Variants in LBX1 observed in about 807,000 individuals in gnomAD.
LBX1 encodes transcription factor LBX1.
In LBX1, 6 loss-of-function variants were observed where a neutral mutation model predicts 19.9. The observed-to-expected ratio is 0.30, with a 90% CI of 0.17 to 0.60. The LOEUF (loss-of-function observed/expected upper bound fraction) is 0.60, where lower values mean the gene tolerates loss of function less well. Ranked by LOEUF, LBX1 falls within the 20% of genes least tolerant of loss-of-function variation. The pLI is 0.87. For missense variants in LBX1, 344 were observed against 393.7 expected (o/e 0.87, Z 1.07); for synonymous variants, 190 against 189.3 (o/e 1.00, Z -0.03).
At position 101,228,837 on chromosome 10, in the gene LBX1, G is replaced by A; in HGVS notation, c.-22C>T. 1 of 1,462,686 alleles carries A rather than the reference G, an allele frequency of 6.8e-7. No individual in the cohort carries two copies. 90.6% of individuals were successfully genotyped at this position (1,462,686 alleles called of 1,614,324 possible). ...TCATCTCGGCCTTGTTCGGGGTCCC[G>A]GCCGGGGCGGCTCGGGCCGCGGGGA... On this transcript the variant is annotated 5_prime_UTR_variant, in exon 1 of 2. Coordinates refer to ENST00000370193, the MANE Select transcript of LBX1 (RefSeq NM_006562.5).
chr10:101,228,061 G>C (rs972632418), intron 1 of LBX1, among the ~76,000 whole-genome samples: 6 of 152,074 alleles, frequency 3.9e-5, no homozygotes, highest in African/African-American at 1.4e-4. Context: ...AGTCTCTAAG[G>C]GTATGAGAAA....
Position 101,229,422 on chromosome 10 carries a change from C to A in LBX1, c.-607G>T. The A allele has an allele frequency of 4.4e-6, 1 of 225,506 alleles. No individual in the cohort carries two copies. The highest frequency in any genetic ancestry group is 4.6e-5 in the South Asian group (1 of 21,550). 14.0% of individuals were successfully genotyped at this position (225,506 alleles called of 1,614,324 possible). A position where few individuals can be genotyped will look rare whatever the true frequency, so the allele number is the denominator to read the frequency against. On this transcript the variant is annotated 5_prime_UTR_variant, in exon 1 of 2. Coordinates refer to ENST00000370193, the MANE Select transcript of LBX1 (RefSeq NM_006562.5). The surrounding 1 kb of genome is among the most constrained non-coding windows in gnomAD (Gnocchi z 6.4). ...CTCCCCCCTTCTCTCTCCTTCTCTC[C>A]CTCTCCCTCGCCCTCTCTTTCACTC...
chr10:101,227,806 A>C lies in LBX1; in HGVS notation c.326-16T>G. On this transcript the variant is annotated splice_polypyrimidine_tract_variant and intron_variant, in intron 1 of 1. Transcript: ENST00000370193. Reference sequence around the variant, plus strand: ...CCGTCGCGGCCTGGGAGGAAAGGACAGTGTAGGCTCGCGTTGGGAGAGAGG... The same window carrying C: ...CCGTCGCGGCCTGGGAGGAAAGGACCGTGTAGGCTCGCGTTGGGAGAGAGG... 1 of 1,547,986 alleles carries C rather than the reference A, an allele frequency of 6.5e-7. No individual in the cohort carries two copies. The highest frequency in any genetic ancestry group is 8.7e-7 in the Non-Finnish European group (1 of 1,144,758).
chr10:101,227,357 C>G lies in LBX1; in HGVS notation c.759G>C (p.Ser253=), dbSNP rs755401297. Residue 253 remains serine, a synonymous_variant, in exon 2 of 2, where the codon TCG becomes TCC. Transcript: ENST00000370193. ...GCTGGTCCGTGAGCGGAGAGGCAGG[C>G]GAGAGCTGCAGGGCGCCAGCGCCCG... ...KAPGAGALQL[S]PASPLTDQPA... is the part of the protein sequence containing the mutation. The G allele has an allele frequency of 1.2e-6, 2 of 1,608,188 alleles. No individual in the cohort carries two copies. Among genetic ancestry groups the G allele is most frequent in the African/African-American group, 1.3e-5 (1 of 74,450 alleles).
At position 101,227,546 on chromosome 10, in the gene LBX1, G is replaced by A. The variant is rs754479753; in HGVS notation, c.570C>T (p.Asp190=). The part of the protein sequence containing the change: ...LKRDLEEMKA[D]VESAKKLGPS... ...GGCCCAGTTTCTTGGCGGACTCTACGTCGGCCTTCATCTCCTCCAGGTCCC... is the reference window on the plus strand; with the variant it reads ...GGCCCAGTTTCTTGGCGGACTCTACATCGGCCTTCATCTCCTCCAGGTCCC... Residue 190 remains aspartate (D), a synonymous_variant, in exon 2 of 2, where the codon GAC becomes GAT. Coordinates refer to ENST00000370193, the MANE Select transcript of LBX1 (RefSeq NM_006562.5). 1.2e-6 allele frequency: 2 copies of A among 1,614,080 alleles called. No homozygotes were observed. Among genetic ancestry groups the A allele is most frequent in the Non-Finnish European group, 1.7e-6 (2 of 1,179,998 alleles).
At position 101,227,172 on chromosome 10, in the gene LBX1, G is replaced by T. The variant is rs534762409; in HGVS notation, c.*98C>A. The T allele has an allele frequency of 2.5e-6, 3 of 1,210,104 alleles. No homozygotes were observed. The highest frequency in any genetic ancestry group is 2.3e-5 in the Admixed American group (1 of 43,346). The allele number at this position is 1,210,104 out of a possible 1,614,324, so 75.0% of individuals were successfully genotyped here. A position where few individuals can be genotyped will look rare whatever the true frequency, so the allele number is the denominator to read the frequency against. On this transcript the variant is annotated 3_prime_UTR_variant, in exon 2 of 2. Coordinates refer to ENST00000370193, the MANE Select transcript of LBX1 (RefSeq NM_006562.5). ...GGGGACAGGGGAGGAGGCGGGAGTT[G>T]GCAGAGGAGGTCCCAGCTCCCCTCG...
Position 101,227,293 on chromosome 10 carries a change from C to T in LBX1, c.823G>A (p.Glu275Lys), listed in dbSNP as rs1446427670. The part of the protein sequence containing the change: ...SQDCSEDEED[E>K]EIDVDD ...GCTCAATCGTCCACGTCGATCTCTTCGTCTTCCTCGTCCTCCGAGCAGTCC... is the reference window on the plus strand; with the variant it reads ...GCTCAATCGTCCACGTCGATCTCTTTGTCTTCCTCGTCCTCCGAGCAGTCC... The change falls in exon 2 of 2, where the codon GAA becomes AAA. Residue 275 changes from glutamate (E) to lysine (K), a missense_variant. Around this residue, in one of 3 missense-constraint regions of LBX1, gnomAD observed 146 missense variants for 124.2 expected, o/e 1.18. Coordinates refer to ENST00000370193, the MANE Select transcript of LBX1 (RefSeq NM_006562.5). 54 of 1,607,068 alleles carry T rather than the reference C, an allele frequency of 3.4e-5. No individual in the cohort carries two copies. Among genetic ancestry groups the T allele is most frequent in the Non-Finnish European group, 4.4e-5 (52 of 1,178,154 alleles).
At position 101,228,510 on chromosome 10, in the gene LBX1, G is replaced by T; in HGVS notation, c.306C>A (p.Ser102Arg). The T allele has an allele frequency of 6.4e-7, 1 of 1,552,228 alleles. No individual in the cohort carries two copies. ...GCCTACCTTCGGCTGCCTGCAGAAC[G>T]CTGACCTCCAGCCCCTTAAACGTCT... ...ASKTFKGLEV[S>R]VLQAAEGRDG... The change falls in exon 1 of 2, where the codon AGC (serine) becomes AGA (arginine). Residue 102 changes from serine to arginine, a missense_variant. Ser to Arg is a moderately radical substitution (Grantham distance 110, BLOSUM62 -1). Transcript: ENST00000370193.
Position 101,228,839 on chromosome 10 carries a change from C to T in LBX1, c.-24G>A. 1 of 1,462,466 alleles carries T rather than the reference C, an allele frequency of 6.8e-7. No individual in the cohort carries two copies. The allele number at this position is 1,462,466 out of a possible 1,614,324, so 90.6% of individuals were successfully genotyped here. ...ATCTCGGCCTTGTTCGGGGTCCCGG[C>T]CGGGGCGGCTCGGGCCGCGGGGACC... On this transcript the variant is annotated 5_prime_UTR_variant, in exon 1 of 2. Transcript: ENST00000370193.
chr10:101,228,608 C>T lies in LBX1; in HGVS notation c.208G>A (p.Gly70Ser), dbSNP rs761580258. 9.0e-6 allele frequency: 14 copies of T among 1,563,768 alleles called. No homozygotes were observed. The highest frequency in any genetic ancestry group is 1.2e-5 in the Non-Finnish European group (14 of 1,154,450). Reference sequence around the variant, plus strand: ...AGCGCGCGGCCCGCCAGGGGCAAGCCGCCCTGCGCGTGCTTGTCCGCGGCG... The same window carrying T: ...AGCGCGCGGCCCGCCAGGGGCAAGCTGCCCTGCGCGTGCTTGTCCGCGGCG... ...LAAADKHAQGGLPLAGRALLS... is the reference protein window; with the variant it reads ...LAAADKHAQGSLPLAGRALLS... Residue 70 changes from glycine (G) to serine (S), a missense_variant, in exon 1 of 2, where the codon GGC (glycine) becomes AGC (serine). By Grantham distance (56) the Gly-to-Ser change is moderately conservative (BLOSUM62 0). Coordinates refer to ENST00000370193, the MANE Select transcript of LBX1 (RefSeq NM_006562.5).
At chr10:101,228,467 G>A (rs1306467228) in intron 1 of LBX1, 24 bp downstream of exon 1, 1 of 1,528,276 alleles carries the variant, frequency 6.5e-7, no homozygotes, top group East Asian at 2.5e-5. Flanking sequence ...GCTGGGTGCA[G>A]GGGAACCCAG....
rs1243699054 is a variant in LBX1 at position 101,227,769 on chromosome 10, A to G, written c.347T>C (p.Phe116Ser). ...CTTCTTAGGGGTCTGCCGCTGCCCA[A>G]AGATGGTCATACCGTCGCGGCCTGG... ...AAEGRDGMTI[F>S]GQRQTPKKRR... Residue 116 changes from phenylalanine (F) to serine (S), a missense_variant, in exon 2 of 2, where the codon TTT (phenylalanine) becomes TCT (serine). Phe to Ser is a radical substitution (Grantham distance 155, BLOSUM62 -2). Around this residue, in one of 3 missense-constraint regions of LBX1, gnomAD observed 153 missense variants for 168.9 expected, o/e 0.91. Coordinates refer to ENST00000370193, the MANE Select transcript of LBX1 (RefSeq NM_006562.5). 2 of 1,592,080 alleles carry G rather than the reference A, an allele frequency of 1.3e-6. No homozygotes were observed. Among genetic ancestry groups the G allele is most frequent in the African/African-American group, 1.3e-5 (1 of 74,608 alleles).
rs781557515 is a variant in LBX1 at position 101,227,651 on chromosome 10, G to A, written c.465C>T (p.Arg155=). The change falls in exon 2 of 2, where the codon CGC becomes CGT. Residue 155 remains arginine (R), a synonymous_variant. Transcript: ENST00000370193. The part of the protein sequence containing the change: ...LYQKYLSPAD[R]DQIAQQLGLT... Reference sequence around the variant, plus strand: ...GGCCCAGCTGCTGCGCGATTTGGTCGCGATCGGCGGGGGACAGGTACTTCT... The same window carrying A: ...GGCCCAGCTGCTGCGCGATTTGGTCACGATCGGCGGGGGACAGGTACTTCT... The A allele has an allele frequency of 6.2e-6, 10 of 1,614,176 alleles. No homozygotes were observed. Among genetic ancestry groups the A allele is most frequent in the Non-Finnish European group, 8.5e-6 (10 of 1,180,020 alleles).
At position 101,227,235 on chromosome 10, in the gene LBX1, A is replaced by G. The variant is rs764102635; in HGVS notation, c.*35T>C. 1.9e-6 allele frequency: 3 copies of G among 1,581,758 alleles called. No homozygotes were observed. Among genetic ancestry groups the G allele is most frequent in the Admixed American group, 1.8e-5 (1 of 56,722 alleles). The stretch of plus-strand genomic sequence containing the variant: ...GGGAGGCGTTGGGCTTTCGAGCGCT[A>G]GGAGCCCAGGGCGGCGGAAGACCCG... On this transcript the variant is annotated 3_prime_UTR_variant, in exon 2 of 2. Transcript: ENST00000370193.
chr10:101,229,429 C>T lies in LBX1; in HGVS notation c.-614G>A, dbSNP rs1941088085. On this transcript the variant is annotated 5_prime_UTR_variant, in exon 1 of 2. Transcript: ENST00000370193. This position sits in a 1 kb window ranked among gnomAD's most constrained non-coding sequence, Gnocchi z 6.4. The stretch of plus-strand genomic sequence containing the variant: ...CTTCTCTCTCCTTCTCTCCCTCTCC[C>T]TCGCCCTCTCTTTCACTCTCTGTCT... 1 of 235,560 alleles carries T rather than the reference C, an allele frequency of 4.2e-6. No homozygotes were observed. 14.6% of individuals were successfully genotyped at this position (235,560 alleles called of 1,614,324 possible). A position where few individuals can be genotyped will look rare whatever the true frequency, so the allele number is the denominator to read the frequency against.
Position 101,228,600 on chromosome 10 carries a change from G to A in LBX1, c.216C>T (p.Pro72=). Reference sequence around the variant, plus strand: ...GCGAGAGCAGCGCGCGGCCCGCCAGGGGCAAGCCGCCCTGCGCGTGCTTGT... The same window carrying A: ...GCGAGAGCAGCGCGCGGCCCGCCAGAGGCAAGCCGCCCTGCGCGTGCTTGT... The part of the protein sequence containing the change: ...AADKHAQGGL[P]LAGRALLSQT... Residue 72 remains proline, a synonymous_variant, in exon 1 of 2, where the codon CCC becomes CCT. Transcript: ENST00000370193. 6.4e-7 allele frequency: 1 copy of A among 1,560,748 alleles called. No homozygotes were observed. Among genetic ancestry groups the A allele is most frequent in the Non-Finnish European group, 8.7e-7 (1 of 1,152,544 alleles).
Position 101,228,412 on chromosome 10 carries a change from G to A in LBX1, c.325+79C>T, listed in dbSNP as rs1032304863. 7.0e-6 allele frequency: 8 copies of A among 1,147,144 alleles called. No individual in the cohort carries two copies. In the Admixed American group the frequency reaches 1.8e-4, roughly 25 times the overall value. The allele number at this position is 1,147,144 out of a possible 1,614,324, so 71.1% of individuals were successfully genotyped here. On this transcript the variant is annotated intron_variant, in intron 1 of 1. Transcript: ENST00000370193. ...TGGCGGCCGGAGAGGGCAGAGGCGA[G>A]CAGAGGCATAGGGGACGAAGCGCGC...
chr10:101,227,074 CGGCCCGGCCG>C lies in LBX1; in HGVS notation c.*186_*195del, dbSNP rs1941051436. 4 of 509,820 alleles carry C rather than the reference CGGCCCGGCCG, an allele frequency of 7.8e-6. No homozygotes were observed. Among genetic ancestry groups the C allele is most frequent in the Non-Finnish European group, 1.3e-5 (4 of 297,902 alleles). 31.6% of individuals were successfully genotyped at this position (509,820 alleles called of 1,614,324 possible). On this transcript the variant is annotated 3_prime_UTR_variant, in exon 2 of 2. Coordinates refer to ENST00000370193, the MANE Select transcript of LBX1 (RefSeq NM_006562.5). ...GGCGGCGGAGGCCGCTGGTGGCGGCCGGCCCGGCCGGCCAGCCTGGGTTTATTGCTTCGAG... is the reference window on the plus strand; with the variant it reads ...GGCGGCGGAGGCCGCTGGTGGCGGCCGCCAGCCTGGGTTTATTGCTTCGAG...
Position 101,228,995 on chromosome 10 carries a change from CG to C in LBX1, c.-181del. ...GGCGGCTGAGGAGGGGAGAACAGCG[CG>C]GGGCCCCGGGAAGAGGGCGCTGACG... is the stretch of plus-strand genomic sequence containing the variant. On this transcript the variant is annotated 5_prime_UTR_variant, in exon 1 of 2. Transcript: ENST00000370193. The C allele has an allele frequency of 4.8e-6, 1 of 208,040 alleles. No homozygotes were observed. 12.9% of individuals were successfully genotyped at this position (208,040 alleles called of 1,614,324 possible). A position where few individuals can be genotyped will look rare whatever the true frequency, so the allele number is the denominator to read the frequency against.
Sources: gnomAD v4.1 joint callset for allele counts (sites outside exome capture counted in the v4.1 genomes callset) on GRCh38, gnomAD v4.1.1 for gene constraint, gnomAD v4.1.1 regional missense constraint, Gnocchi (gnomAD v3.1) non-coding constraint, MANE v1.5 for transcripts, NCBI Gene and HGNC (gene_info 2026-07-23, HGNC 2026-07-21) for gene names.